The following RBFOX1 variants were observed in gnomAD, a reference collection of about 807,000 sequenced individuals.
RBFOX1 encodes RNA binding protein fox-1 homolog 1.
Under a neutral mutation model 57.7 loss-of-function variants are expected in RBFOX1, and 8 were observed. The observed-to-expected ratio is 0.14, with a 90% CI of 0.08 to 0.25. The LOEUF is 0.25. Among genes scored for constraint, RBFOX1 ranks in the 10% least tolerant of loss-of-function variants. The pLI is 1.00. For missense variants in RBFOX1, 611 were observed against 548.5 expected, an observed-to-expected ratio of 1.11 and a Z score of -1.14; for synonymous variants, 326 against 222.4, an observed-to-expected ratio of 1.47 and a Z score of -4.15.
At chr16:7,255,614 A>T (rs1351482107) in intron 4 of RBFOX1, among the ~76,000 whole-genome samples, 1 of 152,224 alleles carries the variant, frequency 6.6e-6, no homozygotes, top group African/African-American at 2.4e-5. Flanking sequence ...TCCCTAAGCA[A>T]GGTCTGGACC....
intron 4 of RBFOX1, among the ~76,000 whole-genome samples, chr16:5,955,440 A>G (rs2059617844): frequency 6.6e-6 from 1 of 151,820 alleles, no homozygotes; most frequent in South Asian, 2.1e-4. Flanking sequence ...CCTGAGAACT[A>G]ACTATACCCT....
chr16:5,765,271 A>C (rs562728764), intron 3 of RBFOX1, among the ~76,000 whole-genome samples: 6 of 152,216 alleles, frequency 3.9e-5, no homozygotes, highest in Non-Finnish European at 7.3e-5. Flanking sequence ...TACCAGCAGC[A>C]GAGCACTCCC....
intron 4 of RBFOX1, among the ~76,000 whole-genome samples, chr16:7,380,407 CTT>C (rs1166326467): frequency 1.3e-5 from 2 of 152,066 alleles, no homozygotes; most frequent in African/African-American, 4.8e-5. Context: ...ATATAAATGA[CTT>C]TATGTCTATG....
intron 2 of RBFOX1, among the ~76,000 whole-genome samples, chr16:6,347,443 A>G (rs182438857): frequency 6.6e-6 from 1 of 152,310 alleles, no homozygotes; most frequent in Admixed American, 6.5e-5. Context: ...TGCTAAACAA[A>G]TGGTTGCATG....
intron 1 of RBFOX1, among the ~76,000 whole-genome samples, chr16:5,402,988 G>A (rs1018224438): frequency 6.6e-6 from 1 of 152,178 alleles, no homozygotes; most frequent in Admixed American, 6.5e-5. Context: ...ATTTTATACT[G>A]TGTCCCAACA....
intron 11 of RBFOX1, among the ~76,000 whole-genome samples, chr16:7,645,103 C>T (rs1361738035): frequency 6.6e-6 from 1 of 151,960 alleles, no homozygotes; most frequent in South Asian, 2.1e-4. Context: ...CTTTTTTTTC[C>T]CTTTCAAAAA....
intron 1 of RBFOX1, among the ~76,000 whole-genome samples, chr16:6,199,479 C>T (rs1422464209): frequency 6.6e-6 from 1 of 152,158 alleles, no homozygotes; most frequent in Non-Finnish European, 1.5e-5. Context: ...ATCTAAAGCA[C>T]ATTAATGGAT....
chr16:7,394,235 CAAAAAAAAAAA>C (rs59934126), intron 4 of RBFOX1, among the ~76,000 whole-genome samples: 88 of 55,042 alleles, frequency 1.6e-3, no homozygotes, highest in South Asian at 7.3e-3. Context: ...GACTCCGCAT[CAAAAAAAAAAA>C]AAAAAAAAAA....
intron 14 of RBFOX1, among the ~76,000 whole-genome samples, chr16:7,691,598 A>G (rs1383555009): frequency 6.6e-6 from 1 of 152,120 alleles, no homozygotes; most frequent in Non-Finnish European, 1.5e-5. Context: ...AAACAAGCCT[A>G]GTTTCTTAGA....
In RBFOX1 at chr16:7,253,732, C is replaced by T. The variant is rs1039632967; in HGVS notation, c.27+201634C>T. Among the ~76,000 whole-genome samples the T allele has an allele frequency of 4.6e-5, 7 of 152,116 alleles. No individual in the cohort carries two copies. In the South Asian group the frequency reaches 6.2e-4, roughly 13 times the overall value. On this transcript the variant is annotated intron_variant, in intron 4 of 15. Transcript: ENST00000550418. The stretch of plus-strand genomic sequence containing the variant: ...TCCATCACCACATAGTATTCTGTGT[C>T]GATCTATGGAGCCTCTCGTTACTTA...
intron 4 of RBFOX1, among the ~76,000 whole-genome samples, chr16:7,152,397 C>T (rs1208910072): frequency 1.3e-5 from 2 of 152,204 alleles, no homozygotes; most frequent in Non-Finnish European, 2.9e-5. Context: ...CTAATCCCAA[C>T]CCTTGGCTGA....
chr16:6,122,180 A>C (rs2096555260), intron 1 of RBFOX1, among the ~76,000 whole-genome samples: 1 of 152,136 alleles, frequency 6.6e-6, no homozygotes, highest in Admixed American at 6.5e-5. Context: ...TGCTGGGATT[A>C]CAGGCGTGAG....
chr16:6,304,928 T>A (rs867557447), intron 1 of RBFOX1, among the ~76,000 whole-genome samples: 2 of 149,574 alleles, frequency 1.3e-5, no homozygotes, highest in African/African-American at 4.9e-5. Context: ...CGTTGCTTTG[T>A]AAACCTGTTG....
intron 10 of RBFOX1, among the ~76,000 whole-genome samples, chr16:7,615,914 G>A (rs2058362800): frequency 6.6e-6 from 1 of 152,122 alleles, no homozygotes; most frequent in Non-Finnish European, 1.5e-5. Context: ...CATATTCACG[G>A]AATACCTTAA....
At chr16:6,925,885 G>A (rs1444855549) in intron 3 of RBFOX1, among the ~76,000 whole-genome samples, 2 of 152,006 alleles carry the variant, frequency 1.3e-5, no homozygotes, top group African/African-American at 4.8e-5. Flanking sequence ...ATTTCTCTAT[G>A]TAATTTTGTT....
chr16:6,948,470 C>T (rs2080022865), intron 3 of RBFOX1, among the ~76,000 whole-genome samples: 1 of 136,106 alleles, frequency 7.3e-6, no homozygotes, highest in Non-Finnish European at 1.5e-5. Context: ...ACAACCTTTG[C>T]CTCCTTGGTT....
At chr16:6,618,885 C>T (rs918877747) in intron 2 of RBFOX1, among the ~76,000 whole-genome samples, 1 of 152,104 alleles carries the variant, frequency 6.6e-6, no homozygotes, top group African/African-American at 2.4e-5. Flanking sequence ...TTGTTGTCCT[C>T]CCCTTAGATG....
chr16:6,860,251 C>G (rs979175277), intron 3 of RBFOX1, among the ~76,000 whole-genome samples: 3 of 152,182 alleles, frequency 2.0e-5, no homozygotes, highest in Non-Finnish European at 4.4e-5. Flanking sequence ...CAATGTTAGG[C>G]ACTTAATGGT....
chr16:7,302,260 A>C (rs2096053521), intron 4 of RBFOX1, among the ~76,000 whole-genome samples: 1 of 152,196 alleles, frequency 6.6e-6, no homozygotes, highest in African/African-American at 2.4e-5. Flanking sequence ...AGGCAGAGTG[A>C]AGACTTCATA....
Sources: allele counts gnomAD v4.1 joint callset (sites outside exome capture counted in the v4.1 genomes callset), GRCh38; gene constraint gnomAD v4.1.1; transcripts MANE v1.5; gene names NCBI Gene and HGNC (gene_info 2026-07-23, HGNC 2026-07-21).